The following EFR3A variants were observed in gnomAD, a reference collection of about 807,000 sequenced individuals.
The protein encoded by EFR3A is EFR3 homolog A.
EFR3A carries 76 observed loss-of-function variants against 104.4 expected under a neutral mutation model. The ratio of observed to expected loss-of-function variants is 0.73; its 90% confidence interval spans 0.60 to 0.88. The LOEUF is 0.88. EFR3A is among the 40% of genes least tolerant of loss of function. The pLI is 0.00. For synonymous variants in EFR3A, 330 were observed against 330.0 expected, an observed-to-expected ratio of 1.00 and a Z score of 0.00; for missense variants, 985 against 1,012.5, an observed-to-expected ratio of 0.97 and a Z score of 0.37.
At chr8:131,923,502 GTTTTTT>G (rs917163877) in intron 1 of EFR3A, among the ~76,000 whole-genome samples, 7 of 111,538 alleles carry the variant, frequency 6.3e-5, no homozygotes, top group Non-Finnish European at 1.4e-4. Context: ...ATGTCAGGGT[GTTTTTT>G]TTTTTTTTTT....
chr8:131,928,563 A>G (rs1392358684), intron 1 of EFR3A, among the ~76,000 whole-genome samples: 1 of 152,182 alleles, frequency 6.6e-6, no homozygotes, highest in Non-Finnish European at 1.5e-5. Context: ...CTAAATAATA[A>G]GTTATAATCT....
intron 16 of EFR3A, 52 bp from the exon 17 acceptor site, chr8:131,986,142 G>T (rs757687053): frequency 6.7e-6 from 6 of 901,776 alleles, no homozygotes; most frequent in Non-Finnish European, 8.9e-6. Context: ...TTATAGCAAG[G>T]TACTGAGGGG....
intron 18 of EFR3A, among the ~76,000 whole-genome samples, chr8:131,995,548 T>TA (rs1353406124): frequency 6.6e-5 from 10 of 152,138 alleles, no homozygotes; most frequent in Admixed American, 5.2e-4. Flanking sequence ...GTAAGGACAT[T>TA]ATGATCAACA....
intron 1 of EFR3A, among the ~76,000 whole-genome samples, chr8:131,915,141 T>A (rs1816689207): frequency 6.6e-6 from 1 of 152,234 alleles, no homozygotes; most frequent in Non-Finnish European, 1.5e-5. Context: ...TGTGACATTC[T>A]GCATTTGGTT....
chr8:131,916,909 T>A (rs1816769881), intron 1 of EFR3A, among the ~76,000 whole-genome samples: 1 of 152,210 alleles, frequency 6.6e-6, no homozygotes, highest in Non-Finnish European at 1.5e-5. Context: ...CCGTGGCAGT[T>A]CTGTCCTATA....
intron 22 of EFR3A, among the ~76,000 whole-genome samples, chr8:132,006,580 C>CT (rs1822066848): frequency 6.6e-6 from 1 of 151,984 alleles, no homozygotes; most frequent in African/African-American, 2.4e-5. Context: ...AACTTCACTG[C>CT]TTACTTTTAT....
At chr8:131,981,971 C>T (rs1820637401) in intron 14 of EFR3A, among the ~76,000 whole-genome samples, 1 of 151,990 alleles carries the variant, frequency 6.6e-6, no homozygotes, top group African/African-American at 2.4e-5. Flanking sequence ...TAATGTTTCA[C>T]CTAATCAAGG....
intron 13 of EFR3A, 80 bp from the exon 14 acceptor site, chr8:131,979,266 T>C: frequency 8.4e-7 from 1 of 1,186,752 alleles, no homozygotes; most frequent in South Asian, 1.5e-5. Context: ...CTCCTAAGTA[T>C]AAATACAATT....
chr8:132,011,397 G>T lies in EFR3A; in HGVS notation c.*502G>T. 1.0e-6 allele frequency: 1 copy of T among 985,878 alleles called. No individual in the cohort carries two copies. The highest frequency in any genetic ancestry group is 1.2e-6 in the Non-Finnish European group (1 of 830,266). The allele number at this position is 985,878 out of a possible 1,614,324, so 61.1% of individuals were successfully genotyped here. On this transcript the variant is annotated 3_prime_UTR_variant, in exon 23 of 23. Transcript: ENST00000254624. ...TTGTCCCCATGCTTTAGATAAGCTG[G>T]GATAGGCACCTTGCTATTCAGTTAC... is the stretch of plus-strand genomic sequence containing the variant.
intron 1 of EFR3A, among the ~76,000 whole-genome samples, chr8:131,930,315 A>G (rs1817526953): frequency 6.6e-6 from 1 of 151,976 alleles, no homozygotes. Context: ...TTTTCCTCTT[A>G]TAGCAGAAGT....
At position 131,990,476 on chromosome 8, in the gene EFR3A, G is replaced by A. The variant is rs1821118350; in HGVS notation, c.2065+2774G>A. ...ACACATGTGTGAAGGAATGAGGTAG[G>A]CAAGAACAGGATTTGTTCCGTGAAT... On this transcript the variant is annotated intron_variant, in intron 18 of 22. Coordinates refer to ENST00000254624, the MANE Select transcript of EFR3A (RefSeq NM_015137.6). 2.6e-5 allele frequency among the ~76,000 whole-genome samples: 4 copies of A among 152,242 alleles called. No individual in the cohort carries two copies. The South Asian group carries it at 8.3e-4, about 32-fold the overall frequency.
intron 8 of EFR3A, among the ~76,000 whole-genome samples, chr8:131,964,525 G>A (rs1264452553): frequency 6.6e-6 from 1 of 152,128 alleles, no homozygotes; most frequent in East Asian, 1.9e-4. Flanking sequence ...GGGATGTGAA[G>A]GACCTCTTCA....
At position 132,011,945 on chromosome 8, in the gene EFR3A, G is replaced by A. The variant is rs563594819; in HGVS notation, c.*1050G>A. ...GCTGCCTGTGTTTTAACAGTCAAGTGTGCTAAAGTTTGTCAATTTAAGCTG... is the reference window on the plus strand; with the variant it reads ...GCTGCCTGTGTTTTAACAGTCAAGTATGCTAAAGTTTGTCAATTTAAGCTG... On this transcript the variant is annotated 3_prime_UTR_variant, in exon 23 of 23. Coordinates refer to ENST00000254624, the MANE Select transcript of EFR3A (RefSeq NM_015137.6). The A allele has an allele frequency of 6.6e-6, 1 of 152,158 alleles. No homozygotes were observed. Among genetic ancestry groups the A allele is most frequent in the Non-Finnish European group, 1.5e-5 (1 of 68,022 alleles). 9.4% of individuals were successfully genotyped at this position (152,158 alleles called of 1,614,324 possible). A position where few individuals can be genotyped will look rare whatever the true frequency, so the allele number is the denominator to read the frequency against.
chr8:131,939,890 G>T (rs1019963208), intron 1 of EFR3A: 1 of 152,192 alleles, frequency 6.6e-6, no homozygotes, highest in African/African-American at 2.4e-5. Flanking sequence ...AGTTTGTCCT[G>T]GTGAGGGGGC....
chr8:131,948,388 C>G (rs1271362072), intron 4 of EFR3A, among the ~76,000 whole-genome samples: 1 of 152,136 alleles, frequency 6.6e-6, no homozygotes, highest in African/African-American at 2.4e-5. Context: ...ATATGATGCT[C>G]TTGGAAGAGT....
Position 131,946,626 on chromosome 8 carries a change from C to A in EFR3A, c.359C>A (p.Thr120Lys). 6.3e-7 allele frequency: 1 copy of A among 1,595,860 alleles called. No individual in the cohort carries two copies. Among genetic ancestry groups the A allele is most frequent in the Non-Finnish European group, 8.5e-7 (1 of 1,171,876 alleles). ...GAACCAAAGCTTCAAGTTCTTGGAA[C>A]AAATTCTGTGAGTAAAACTATTCTG... ...SGEPKLQVLGTNSFVKFANIE... is the reference protein window; with the variant it reads ...SGEPKLQVLGKNSFVKFANIE... Residue 120 changes from threonine to lysine, a missense_variant, in exon 4 of 23, where the codon ACA (threonine) becomes AAA (lysine). Thr to Lys is a moderately conservative substitution (Grantham distance 78). Transcript: ENST00000254624.
intron 9 of EFR3A, among the ~76,000 whole-genome samples, chr8:131,969,718 A>G (rs1481627596): frequency 6.6e-6 from 1 of 151,934 alleles, no homozygotes; most frequent in Non-Finnish European, 1.5e-5. Context: ...AAAACTGGTT[A>G]TTTAATTGGA....
At chr8:131,923,376 A>T in intron 1 of EFR3A, among the ~76,000 whole-genome samples, 1 of 152,022 alleles carries the variant, frequency 6.6e-6, no homozygotes. Context: ...ATACTATATT[A>T]TCTTTTCTAT....
intron 1 of EFR3A, among the ~76,000 whole-genome samples, chr8:131,936,594 A>G (rs1473036042): frequency 6.6e-6 from 1 of 151,646 alleles, no homozygotes; most frequent in African/African-American, 2.4e-5. Context: ...AGGTTGTTTT[A>G]CCTGTGCTTC....
Sources: gnomAD v4.1 joint callset for allele counts (sites outside exome capture counted in the v4.1 genomes callset) on GRCh38, gnomAD v4.1.1 for gene constraint, MANE v1.5 for transcripts, NCBI Gene and HGNC (gene_info 2026-07-23, HGNC 2026-07-21) for gene names.